Variants in COL1A1 observed in about 807,000 individuals in gnomAD.
The protein encoded by COL1A1 is collagen type I alpha 1 chain, also known as collagen alpha-1(I) chain.
Under a neutral mutation model 195.7 loss-of-function variants are expected in COL1A1, and 21 were observed. That is an observed-to-expected ratio of 0.11 (90% CI 0.08 to 0.15). COL1A1 has a LOEUF of 0.15. Ranked by LOEUF, COL1A1 falls within the 10% of genes least tolerant of loss-of-function variation. The pLI is 1.00. For missense variants in COL1A1, 1,365 were observed against 2,051.0 expected (o/e 0.67, Z 6.46); for synonymous variants, 749 against 747.3 (o/e 1.00, Z -0.04).
At chr17:50,187,228 A>T in intron 46 of COL1A1, 106 bp from the exon 47 acceptor site, 1 of 1,006,608 alleles carries the variant, frequency 9.9e-7, no homozygotes. Context: ...CCCACGGCTC[A>T]TAGAGCCAGC....
chr17:50,197,288 G>A (rs1598299397), intron 9 of COL1A1, 55 bp from the exon 10 acceptor site: 1 of 1,581,732 alleles, frequency 6.3e-7, no homozygotes, highest in Admixed American at 1.7e-5. Flanking sequence ...CCGCCTAGGG[G>A]CTGGAAAAGT....
chr17:50,197,577 C>T (rs954277478), intron 9 of COL1A1, among the ~76,000 whole-genome samples, 155 bp downstream of exon 9: 5 of 152,146 alleles, frequency 3.3e-5, no homozygotes, highest in East Asian at 1.9e-4. Flanking sequence ...TCTCACTAAG[C>T]GAAAAGATCA....
At position 50,185,526 on chromosome 17, in the gene COL1A1, G is replaced by C. The variant is rs112873723; in HGVS notation, c.4371C>G (p.Asp1457Glu). Residue 1457 changes from aspartate to glutamate, a missense_variant, in exon 51 of 51, where the codon GAC becomes GAG. Physicochemically the swap from Asp to Glu is conservative, Grantham distance 45. Around this residue, in one of 5 missense-constraint regions of COL1A1, gnomAD observed 273 missense variants for 338.6 expected, o/e 0.81. Transcript: ENST00000225964. ...VGAPDQEFGF[D>E]VGPVCFL ...TTTACAGGAAGCAGACAGGGCCAAC[G>C]TCGAAGCCGAATTCCTGGTCTGGGG... 3 of 1,613,778 alleles carry C rather than the reference G, an allele frequency of 1.9e-6. No individual in the cohort carries two copies. Among genetic ancestry groups the C allele is most frequent in the African/African-American group, 2.7e-5 (2 of 74,834 alleles).
chr17:50,187,767 C>G (rs1906682873), intron 45 of COL1A1, 109 bp downstream of exon 45: 3 of 1,137,002 alleles, frequency 2.6e-6, no homozygotes, highest in Non-Finnish European at 3.8e-6. Context: ...ACCCCAGTCC[C>G]CACTAGGGAG....
chr17:50,185,441 G>C lies in COL1A1; in HGVS notation c.*61C>G, dbSNP rs1205326663. On this transcript the variant is annotated 3_prime_UTR_variant, in exon 51 of 51. Coordinates refer to ENST00000225964, the MANE Select transcript of COL1A1 (RefSeq NM_000088.4). ...GGGGTTCAGTTTGGGTTGCTTGTCT[G>C]TTTCCGGGTTGGGGGGAAAGTTGGT... 1 of 1,607,534 alleles carries C rather than the reference G, an allele frequency of 6.2e-7. No homozygotes were observed. Among genetic ancestry groups the C allele is most frequent in the Non-Finnish European group, 8.5e-7 (1 of 1,175,110 alleles).
In COL1A1 at chr17:50,194,228, A is replaced by G. The variant is rs201354284; in HGVS notation, c.1615-45T>C. 57 of 1,601,674 alleles carry G rather than the reference A, an allele frequency of 3.6e-5. No homozygotes were observed. In the African/African-American group the frequency reaches 7.5e-4, roughly 21 times the overall value. On this transcript the variant is annotated intron_variant, in intron 23 of 50. Transcript: ENST00000225964. This position sits in a 1 kb window ranked among gnomAD's most constrained non-coding sequence, Gnocchi z 6.8. ...TGAGTGGGACTTGGGGAGAAGCATG[A>G]TGGAGGTGGGGGAGGACTCCAGAGG...
In COL1A1 at chr17:50,185,661, G is replaced by A. The variant is rs1046359912; in HGVS notation, c.4249-13C>T. ...CTCCGGTGTGACTCTGGGGTGGGGC[G>A]GAGACAACGGGAGGGGGCATTACCA... On this transcript the variant is annotated splice_polypyrimidine_tract_variant and intron_variant, in intron 50 of 50. Transcript: ENST00000225964. 2.0e-5 allele frequency: 32 copies of A among 1,612,940 alleles called. No homozygotes were observed. The highest frequency in any genetic ancestry group is 2.4e-5 in the Non-Finnish European group (28 of 1,179,878).
At position 50,199,594 on chromosome 17, in the gene COL1A1, G is replaced by C. The variant is rs780745594; in HGVS notation, c.299-4C>G. 6.2e-7 allele frequency: 1 copy of C among 1,614,008 alleles called. No homozygotes were observed. Among genetic ancestry groups the C allele is most frequent in the African/African-American group, 1.3e-5 (1 of 74,916 alleles). On this transcript the variant is annotated splice_polypyrimidine_tract_variant and splice_region_variant and intron_variant, in intron 2 of 50. Transcript: ENST00000225964. ...GTTTCTTGGTCGGTGGGTGACTCTA[G>C]GGGACGAAGAGACGCGCGTTAGAGC...
chr17:50,190,444 G>A lies in COL1A1; in HGVS notation c.2398-64C>T. ...AGGAGGGAAGGCGGGGATGCGGTGA[G>A]GGGAGAGGCAAGGGGTGAAGGCACA... On this transcript the variant is annotated intron_variant, in intron 34 of 50. Transcript: ENST00000225964. The surrounding 1 kb of genome is among the most constrained non-coding windows in gnomAD (Gnocchi z 4.7). 5.7e-6 allele frequency: 9 copies of A among 1,574,002 alleles called. No individual in the cohort carries two copies. The highest frequency in any genetic ancestry group is 7.9e-6 in the Non-Finnish European group (9 of 1,143,360).
chr17:50,201,611 C>G lies in COL1A1; in HGVS notation c.-98G>C, dbSNP rs574683904. 5.8e-5 allele frequency: 60 copies of G among 1,040,850 alleles called. No homozygotes were observed. The highest frequency in any genetic ancestry group is 7.5e-5 in the Non-Finnish European group (54 of 723,636). The allele number at this position is 1,040,850 out of a possible 1,614,324, so 64.5% of individuals were successfully genotyped here. A position where few individuals can be genotyped will look rare whatever the true frequency, so the allele number is the denominator to read the frequency against. ...CTCCGCGTGCCTCCTGCTCCGACCC[C>G]GAGGAGAAACTCCCGTCTGCTCCGA... On this transcript the variant is annotated 5_prime_UTR_variant, in exon 1 of 51. Coordinates refer to ENST00000225964, the MANE Select transcript of COL1A1 (RefSeq NM_000088.4).
At position 50,195,123 on chromosome 17, in the gene COL1A1, G is replaced by A. The variant is rs1456491541; in HGVS notation, c.1300-23C>T. 1.2e-6 allele frequency: 2 copies of A among 1,613,298 alleles called. No homozygotes were observed. Among genetic ancestry groups the A allele is most frequent in the Non-Finnish European group, 1.7e-6 (2 of 1,179,620 alleles). On this transcript the variant is annotated intron_variant, in intron 19 of 50. Transcript: ENST00000225964. This position sits in a 1 kb window ranked among gnomAD's most constrained non-coding sequence, Gnocchi z 4.3. ...ACCCTGCAAGGGGGGAGAAGAGGAT[G>A]AGCTGAGAGTCGGGGGCGCTCAGTT... is the stretch of plus-strand genomic sequence containing the variant.
chr17:50,200,588 A>G (rs1247351707), intron 1 of COL1A1, among the ~76,000 whole-genome samples: 1 of 152,210 alleles, frequency 6.6e-6, no homozygotes, highest in Non-Finnish European at 1.5e-5. Context: ...GGTCACTTTT[A>G]GCCAAAGAAC....
In COL1A1 at chr17:50,189,016, G is replaced by T. The variant is rs1906825524; in HGVS notation, c.2938-6C>A. 1.2e-6 allele frequency: 2 copies of T among 1,611,506 alleles called. No individual in the cohort carries two copies. The highest frequency in any genetic ancestry group is 2.2e-5 in the South Asian group (2 of 91,042). On this transcript the variant is annotated splice_region_variant and splice_polypyrimidine_tract_variant and intron_variant, in intron 40 of 50. Transcript: ENST00000225964. This position sits in a 1 kb window ranked among gnomAD's most constrained non-coding sequence, Gnocchi z 5.5. ...CCTTGTTTGCCAGGTTCACCCTAAG[G>T]GAGAAGAAAGAGTCAGGCCAGAGAT...
rs1238637287 is a variant in COL1A1 at position 50,189,426 on chromosome 17, G to A, written c.2780C>T (p.Pro927Leu). 1 of 1,613,898 alleles carries A rather than the reference G, an allele frequency of 6.2e-7. No individual in the cohort carries two copies. Residue 927 changes from proline (P) to leucine (L), a missense_variant, in exon 39 of 51, where the codon CCC (proline) becomes CTC (leucine). Physicochemically the swap from Pro to Leu is moderately conservative, Grantham distance 98. Transcript: ENST00000225964. This position sits in a 1 kb window ranked among gnomAD's most constrained non-coding sequence, Gnocchi z 5.5. ...GRPGEVGPPG[P>L]PGPAGEKGSP... ...TCCTTTCTCGCCAGCAGGGCCAGGG[G>A]GACCAGGGGGACCAACTTCACCAGG...
rs759665341 is a variant in COL1A1 at position 50,190,877 on chromosome 17, G to T, written c.2283C>A (p.Gly761=). ...CAATGGGGCCAGTCAGACCACGGACGCCATCTTTGCCAGGAGAGCCATCAG... is the reference window on the plus strand; with the variant it reads ...CAATGGGGCCAGTCAGACCACGGACTCCATCTTTGCCAGGAGAGCCATCAG... ...KGADGSPGKD[G]VRGLTGPIGP... is the part of the protein sequence containing the mutation. The change falls in exon 33 of 51, where the codon GGC becomes GGA. Residue 761 remains glycine (G), a synonymous_variant. Transcript: ENST00000225964. This position sits in a 1 kb window ranked among gnomAD's most constrained non-coding sequence, Gnocchi z 4.7. The T allele has an allele frequency of 1.9e-6, 3 of 1,613,814 alleles. No homozygotes were observed. The African/African-American group carries it at 4.0e-5, about 22-fold the overall frequency.
At position 50,197,851 on chromosome 17, in the gene COL1A1, A is replaced by G. The variant is rs965079342; in HGVS notation, c.643-66T>C. 6 of 1,590,300 alleles carry G rather than the reference A, an allele frequency of 3.8e-6. No homozygotes were observed. The Admixed American group carries it at 1.0e-4, about 27-fold the overall frequency. On this transcript the variant is annotated intron_variant, in intron 8 of 50. Transcript: ENST00000225964. ...AAAAAGAAGGGGAAGGCTGGGATTGAAGGGAAGAGGTAAGGAAGACCCCAG... is the reference window on the plus strand; with the variant it reads ...AAAAAGAAGGGGAAGGCTGGGATTGGAGGGAAGAGGTAAGGAAGACCCCAG...
In COL1A1 at chr17:50,188,642, C is replaced by A; in HGVS notation, c.3100-5G>T. The A allele has an allele frequency of 2.5e-6, 4 of 1,613,180 alleles. No individual in the cohort carries two copies. Among genetic ancestry groups the A allele is most frequent in the Admixed American group, 3.3e-5 (2 of 59,970 alleles). ...GCCGGTCTCACCACGGTCACCCTGGCGGGGAGAGCAGGGGAATATGGGTCA... is the reference window on the plus strand; with the variant it reads ...GCCGGTCTCACCACGGTCACCCTGGAGGGGAGAGCAGGGGAATATGGGTCA... On this transcript the variant is annotated splice_region_variant and splice_polypyrimidine_tract_variant and intron_variant, in intron 42 of 50. Transcript: ENST00000225964. This position sits in a 1 kb window ranked among gnomAD's most constrained non-coding sequence, Gnocchi z 5.6.
rs376569858 is a variant in COL1A1 at position 50,196,380 on chromosome 17, C to T, written c.904-13G>A. On this transcript the variant is annotated splice_polypyrimidine_tract_variant and intron_variant, in intron 13 of 50. Coordinates refer to ENST00000225964, the MANE Select transcript of COL1A1 (RefSeq NM_000088.4). ...GGCCACGGGGGCCCTGACAACCAAA[C>T]CAAGAGAAGTCAGATGAGATGGGAG... The T allele has an allele frequency of 3.7e-6, 6 of 1,613,832 alleles. No homozygotes were observed. In the African/African-American group the frequency reaches 5.3e-5, roughly 14 times the overall value.
Position 50,194,640 on chromosome 17 carries a change from G to A in COL1A1, c.1462-14C>T, listed in dbSNP as rs886204479. 6 of 1,559,524 alleles carry A rather than the reference G, an allele frequency of 3.8e-6. No individual in the cohort carries two copies. The South Asian group carries it at 4.7e-5, about 12-fold the overall frequency. Reference sequence around the variant, plus strand: ...ACCAGGTCCACCCTGCAGGAGGAGAGGAGGCCAGTGAACTCCGCGACACAC... The same window carrying A: ...ACCAGGTCCACCCTGCAGGAGGAGAAGAGGCCAGTGAACTCCGCGACACAC... On this transcript the variant is annotated splice_polypyrimidine_tract_variant and intron_variant, in intron 21 of 50. Coordinates refer to ENST00000225964, the MANE Select transcript of COL1A1 (RefSeq NM_000088.4). The surrounding 1 kb of genome is among the most constrained non-coding windows in gnomAD (Gnocchi z 6.8).
Sources: gnomAD v4.1 joint callset for allele counts (sites outside exome capture counted in the v4.1 genomes callset) on GRCh38, gnomAD v4.1.1 for gene constraint, gnomAD v4.1.1 regional missense constraint, Gnocchi (gnomAD v3.1) non-coding constraint, MANE v1.5 for transcripts, NCBI Gene and HGNC (gene_info 2026-07-23, HGNC 2026-07-21) for gene names.